Variants in EHD2 observed in about 807,000 individuals in gnomAD.
EHD2 encodes EH domain-containing protein 2.
EHD2 carries 27 observed loss-of-function variants against 41.0 expected under a neutral mutation model. The ratio of observed to expected loss-of-function variants is 0.66; its 90% CI spans 0.49 to 0.91. The LOEUF is 0.91. Among genes scored for constraint, EHD2 ranks in the 40% least tolerant of loss-of-function variants. The pLI is 0.00. For missense variants in EHD2, 673 were observed against 773.9 expected (o/e 0.87, Z 1.55); for synonymous variants, 342 against 341.0 (o/e 1.00, Z -0.03).
At chr19:47,714,782 C>T (rs1354863336) in intron 1 of EHD2, among the ~76,000 whole-genome samples, 1 of 152,108 alleles carries the variant, frequency 6.6e-6, no homozygotes, top group African/African-American at 2.4e-5. Context: ...CACCTGTAAT[C>T]CCAACAATTT....
intron 4 of EHD2, chr19:47,731,293 T>TAC (rs1568591811): frequency 2.2e-5 from 2 of 89,942 alleles, no homozygotes; most frequent in African/African-American, 3.2e-5. Flanking sequence ...TATATATATA[T>TAC]ATATATATAC....
chr19:47,720,626 A>G (rs1197066280), intron 3 of EHD2, among the ~76,000 whole-genome samples: 1 of 148,590 alleles, frequency 6.7e-6, no homozygotes, highest in Admixed American at 6.6e-5. Flanking sequence ...CTATGTGTCT[A>G]TGTGGATTTA....
chr19:47,718,441 A>G, intron 2 of EHD2, 68 bp from the exon 3 acceptor site: 2 of 1,386,176 alleles, frequency 1.4e-6, no homozygotes, highest in Non-Finnish European at 2.0e-6. Flanking sequence ...GTCCCTCTTC[A>G]TGTTTTCTTC....
intron 5 of EHD2, among the ~76,000 whole-genome samples, chr19:47,739,274 A>ATTTTTTT (rs57266469): frequency 8.6e-5 from 10 of 116,058 alleles, no homozygotes; most frequent in African/African-American, 2.8e-4. Context: ...CTAATTTTTA[A>ATTTTTTT]TTTTTTTTTT....
chr19:47,723,076 C>T (rs917310429), intron 3 of EHD2, among the ~76,000 whole-genome samples: 2 of 152,208 alleles, frequency 1.3e-5, no homozygotes, highest in East Asian at 3.9e-4. Context: ...GGAAGTCCTC[C>T]TTGACCCCCA....
At chr19:47,715,858 C>T (rs1973619552) in intron 1 of EHD2, among the ~76,000 whole-genome samples, 1 of 152,066 alleles carries the variant, frequency 6.6e-6, no homozygotes, top group African/African-American at 2.4e-5. Flanking sequence ...ACCTCTGCCT[C>T]CTGGGTTCAA....
rs1036937445 is a variant in EHD2, at chr19:47,741,607, G to A, written c.*175G>A. The A allele has an allele frequency of 2.9e-5, 21 of 732,112 alleles. No individual in the cohort carries two copies. The highest frequency in any genetic ancestry group is 1.3e-4 in the East Asian group (5 of 37,102). The allele number at this position is 732,112 out of a possible 1,614,324, so 45.4% of individuals were successfully genotyped here. ...GGTGGAAGCATTTAGAGGGGACCAC[G>A]GGAGGGACAAGGCTTCTCTGTCCGC... is the stretch of plus-strand genomic sequence containing the variant. On this transcript the variant is annotated 3_prime_UTR_variant, in exon 6 of 6. Transcript: ENST00000263277. The surrounding 1 kb of genome is among the most constrained non-coding windows in gnomAD (Gnocchi z 4.5).
intron 3 of EHD2, among the ~76,000 whole-genome samples, 180 bp from the exon 4 acceptor site, chr19:47,725,632 C>A (rs115944802): frequency 0.03 from 4,603 of 152,238 alleles, 251 homozygotes; most frequent in African/African-American, 0.1. Flanking sequence ...CACTGGAGAG[C>A]CAGAGCAGTA....
At chr19:47,714,621 A>G (rs1051651661) in intron 1 of EHD2, among the ~76,000 whole-genome samples, 1 of 152,064 alleles carries the variant, frequency 6.6e-6, no homozygotes, top group African/African-American at 2.4e-5. Flanking sequence ...TTAGACCTAT[A>G]ATAGGATTGC....
intron 3 of EHD2, among the ~76,000 whole-genome samples, chr19:47,721,181 G>T (rs923522775): frequency 6.6e-6 from 1 of 151,898 alleles, no homozygotes; most frequent in Non-Finnish European, 1.5e-5. Context: ...GTGTGTGTGT[G>T]TGTGTGTGTG....
Position 47,716,670 on chromosome 19 carries a change from A to G in EHD2, c.58A>G (p.Thr20Ala). The stretch of plus-strand genomic sequence containing the variant: ...GGGCCAGCAGCCCGAGGCCATCCGC[A>G]CGGTGACCTCGGCCCTCAAGGAGCT... ...ARGQQPEAIR[T>A]VTSALKELYR... is the part of the protein sequence containing the mutation. The change falls in exon 2 of 6, where the codon ACG becomes GCG. Residue 20 changes from threonine to alanine, a missense_variant. By Grantham distance (58) the Thr-to-Ala change is moderately conservative (BLOSUM62 0). Coordinates refer to ENST00000263277, the MANE Select transcript of EHD2 (RefSeq NM_014601.4). The G allele has an allele frequency of 6.2e-7, 1 of 1,600,808 alleles. No individual in the cohort carries two copies.
In EHD2 at chr19:47,725,871, C is replaced by G; in HGVS notation, c.562C>G (p.Leu188Val). The G allele has an allele frequency of 6.2e-7, 1 of 1,612,924 alleles. No individual in the cohort carries two copies. Among genetic ancestry groups the G allele is most frequent in the Non-Finnish European group, 8.5e-7 (1 of 1,179,054 alleles). ...FAERVDLIILLFDAHKLEISD... is the reference protein window; with the variant it reads ...FAERVDLIILVFDAHKLEISD... Reference sequence around the variant, plus strand: ...GGAGCGCGTGGACCTCATCATCCTGCTCTTTGATGCGCACAAGCTGGAGAT... The same window carrying G: ...GGAGCGCGTGGACCTCATCATCCTGGTCTTTGATGCGCACAAGCTGGAGAT... Residue 188 changes from leucine (L) to valine (V), a missense_variant, in exon 4 of 6, where the codon CTC becomes GTC. Transcript: ENST00000263277.
rs1228722750 is a variant in EHD2 at position 47,726,058 on chromosome 19, T to C, written c.749T>C (p.Leu250Pro). Residue 250 changes from leucine to proline, a missense_variant, in exon 4 of 6, where the codon CTG (leucine) becomes CCG (proline). Coordinates refer to ENST00000263277, the MANE Select transcript of EHD2 (RefSeq NM_014601.4). ...AAGGTGGTGGGCACGCCCGAGGTGCTGCGCGTCTACATCGGCTCCTTCTGG... is the reference window on the plus strand; with the variant it reads ...AAGGTGGTGGGCACGCCCGAGGTGCCGCGCGTCTACATCGGCTCCTTCTGG... ...LGKVVGTPEV[L>P]RVYIGSFWSQ... 1 of 1,585,908 alleles carries C rather than the reference T, an allele frequency of 6.3e-7. No individual in the cohort carries two copies. Among genetic ancestry groups the C allele is most frequent in the South Asian group, 1.1e-5 (1 of 88,230 alleles).
At chr19:47,736,577 A>C in intron 5 of EHD2, 44 bp downstream of exon 5, 1 of 1,530,864 alleles carries the variant, frequency 6.5e-7, no homozygotes, top group Non-Finnish European at 8.8e-7. Context: ...GGGTGATGGG[A>C]AGGTTGGTTT....
chr19:47,737,840 C>G (rs1966941491), intron 5 of EHD2, among the ~76,000 whole-genome samples: 1 of 148,514 alleles, frequency 6.7e-6, no homozygotes, highest in Non-Finnish European at 1.5e-5. Flanking sequence ...TCTAGAGTAG[C>G]TGGGACTACA....
At position 47,727,494 on chromosome 19, in the gene EHD2, T is replaced by A. The variant is rs180835617; in HGVS notation, c.915+1270T>A. Among the ~76,000 whole-genome samples the A allele has an allele frequency of 4.0e-3, 605 of 152,230 alleles. 3 individuals are homozygous for A. Among genetic ancestry groups the A allele is most frequent in the African/African-American group, 0.014 (571 of 41,548 alleles). On this transcript the variant is annotated intron_variant, in intron 4 of 5. Transcript: ENST00000263277. Reference sequence around the variant, plus strand: ...AGCCCTCCTGGGGCTCATCTTTTTTTAAATTTAATTAATTAATTTATTTAT... The same window carrying A: ...AGCCCTCCTGGGGCTCATCTTTTTTAAAATTTAATTAATTAATTTATTTAT...
chr19:47,735,094 C>T (rs890863762), intron 4 of EHD2, among the ~76,000 whole-genome samples: 1 of 152,174 alleles, frequency 6.6e-6, no homozygotes, highest in African/African-American at 2.4e-5. Flanking sequence ...TTCTAGATTT[C>T]TGGCCTCAAC....
chr19:47,719,449 C>T lies in EHD2; in HGVS notation c.502+843C>T, dbSNP rs146782242. 9.2e-3 allele frequency among the ~76,000 whole-genome samples: 1,401 copies of T among 152,158 alleles called. 29 individuals carry two copies. The highest frequency in any genetic ancestry group is 0.031 in the African/African-American group (1,306 of 41,500). On this transcript the variant is annotated intron_variant, in intron 3 of 5. Transcript: ENST00000263277. This position sits in a 1 kb window ranked among gnomAD's most constrained non-coding sequence, Gnocchi z 4.1. ...AGAGTGGCGGGGGGTGGATTCCAGCCGGGGCCTCCGGGCGTGCTGAGCCCT... is the reference window on the plus strand; with the variant it reads ...AGAGTGGCGGGGGGTGGATTCCAGCTGGGGCCTCCGGGCGTGCTGAGCCCT...
chr19:47,741,684 C>A lies in EHD2; in HGVS notation c.*252C>A. The stretch of plus-strand genomic sequence containing the variant: ...CTTAGGCACATCACACACACACTGG[C>A]ACACGCAGGCATCCATCCATCCGTC... On this transcript the variant is annotated 3_prime_UTR_variant, in exon 6 of 6. Transcript: ENST00000263277. This position sits in a 1 kb window ranked among gnomAD's most constrained non-coding sequence, Gnocchi z 4.5. 1.6e-6 allele frequency: 1 copy of A among 630,428 alleles called. No homozygotes were observed. The highest frequency in any genetic ancestry group is 1.8e-5 in the South Asian group (1 of 55,912). 39.1% of individuals were successfully genotyped at this position (630,428 alleles called of 1,614,324 possible). A position where few individuals can be genotyped will look rare whatever the true frequency, so the allele number is the denominator to read the frequency against.
Sources: allele counts gnomAD v4.1 joint callset (sites outside exome capture counted in the v4.1 genomes callset), GRCh38; gene constraint gnomAD v4.1.1; non-coding constraint Gnocchi (gnomAD v3.1); transcripts MANE v1.5; gene names NCBI Gene and HGNC (gene_info 2026-07-23, HGNC 2026-07-21).